PCDHA2: variants seen among roughly 807,000 people sequenced by gnomAD.
PCDHA2 encodes the protein protocadherin alpha-2.
PCDHA2 carries 58 observed loss-of-function variants against 66.0 expected under a neutral mutation model. The observed-to-expected ratio is 0.88, with a 90% CI of 0.71 to 1.09. The LOEUF (loss-of-function observed/expected upper bound fraction) is 1.09, where lower values mean the gene tolerates loss of function less well. Ranked by LOEUF, PCDHA2 falls within the 50% of genes least tolerant of loss-of-function variation. PCDHA2 has a pLI of 0.00. For synonymous variants in PCDHA2, 634 were observed against 554.0 expected (o/e 1.14, Z -2.03); for missense variants, 1,267 against 1,242.3 (o/e 1.02, Z -0.30).
rs1310762753 is a variant in PCDHA2, at chr5:140,855,371, T to A, written c.2388+58019T>A. Among the ~76,000 whole-genome samples, 3 of 149,996 alleles carry A rather than the reference T, an allele frequency of 2.0e-5. 1 individual carries two copies. Among genetic ancestry groups the A allele is most frequent in the African/African-American group, 7.3e-5 (3 of 40,926 alleles). On this transcript the variant is annotated intron_variant, in intron 1 of 3. Transcript: ENST00000526136. ...GTCATGTGGCTAGTGAGTAGGATAATAGGAATCTAAATGGAGAAATGTCTG... is the reference window on the plus strand; with the variant it reads ...GTCATGTGGCTAGTGAGTAGGATAAAAGGAATCTAAATGGAGAAATGTCTG...
chr5:140,956,921 G>T (rs2095321008), intron 1 of PCDHA2, among the ~76,000 whole-genome samples: 1 of 151,968 alleles, frequency 6.6e-6, no homozygotes, highest in Admixed American at 6.6e-5. Context: ...CTTTAATCTT[G>T]CTGGATATAG....
chr5:140,809,378 G>A (rs77547730), intron 1 of PCDHA2: 4 of 1,614,046 alleles, frequency 2.5e-6, no homozygotes, highest in African/African-American at 1.3e-5. Context: ...CACCGAGGGC[G>A]CGTGCGCTCC....
intron 1 of PCDHA2, chr5:140,801,260 C>G (rs1290805371): frequency 1.2e-6 from 2 of 1,613,632 alleles, no homozygotes; most frequent in Non-Finnish European, 1.7e-6. Context: ...TTCTGCTCCT[C>G]GCAGCCTCGG....
chr5:140,933,653 GTCTC>G (rs1245688430), intron 1 of PCDHA2, among the ~76,000 whole-genome samples: 3 of 151,982 alleles, frequency 2.0e-5, no homozygotes, highest in East Asian at 1.9e-4. Context: ...TGGAAATCCT[GTCTC>G]TCTCTCTGTC....
At position 140,796,030 on chromosome 5, in the gene PCDHA2, T is replaced by C; in HGVS notation, c.1066T>C (p.Ser356Pro). The change falls in exon 1 of 4, where the codon TCA (serine) becomes CCA (proline). Residue 356 changes from serine to proline, a missense_variant. Physicochemically the swap from Ser to Pro is moderately conservative, Grantham distance 74. Transcript: ENST00000526136. ...NTPEVSITSL[S>P]LPISENASLG... ...ACCAGAAGTCTCAATAACGTCTCTC[T>C]CACTTCCCATCTCAGAGAACGCTTC... 6.2e-7 allele frequency: 1 copy of C among 1,614,200 alleles called. No individual in the cohort carries two copies. Among genetic ancestry groups the C allele is most frequent in the South Asian group, 1.1e-5 (1 of 91,080 alleles).
chr5:140,887,291 T>G (rs2153419358), intron 1 of PCDHA2, among the ~76,000 whole-genome samples: 1 of 152,074 alleles, frequency 6.6e-6, no homozygotes, highest in South Asian at 2.1e-4. Flanking sequence ...AGAGATGGGG[T>G]TTCATCTTGT....
intron 1 of PCDHA2, chr5:140,871,257 G>A (rs374337862): frequency 1.2e-6 from 2 of 1,613,940 alleles, no homozygotes; most frequent in Admixed American, 1.7e-5. Context: ...TGCTGTATAC[G>A]GCGCTGTGGT....
At chr5:141,006,181 G>A (rs960173277) in intron 3 of PCDHA2, among the ~76,000 whole-genome samples, 1 of 150,918 alleles carries the variant, frequency 6.6e-6, no homozygotes, top group Non-Finnish European at 1.5e-5. Flanking sequence ...TTTTAAAAGA[G>A]TTTGCTATAT....
At chr5:140,832,201 G>A (rs2150200141) in intron 1 of PCDHA2, among the ~76,000 whole-genome samples, 53 of 152,338 alleles carry the variant, frequency 3.5e-4, no homozygotes, top group African/African-American at 1.3e-3. Flanking sequence ...AACCTGCTGA[G>A]TCCTCAGTGA....
At chr5:140,916,072 AC>A (rs1445012621) in intron 1 of PCDHA2, among the ~76,000 whole-genome samples, 4 of 152,054 alleles carry the variant, frequency 2.6e-5, no homozygotes, top group Non-Finnish European at 5.9e-5. Flanking sequence ...TGTGGCCAGT[AC>A]TACCACTGGT....
At chr5:140,978,904 A>G (rs2096828000) in intron 1 of PCDHA2, 45 bp from the exon 2 acceptor site, 2 of 1,613,322 alleles carry the variant, frequency 1.2e-6, no homozygotes, top group Non-Finnish European at 8.5e-7. Flanking sequence ...CTGGGAGAAC[A>G]TTGTCTTGTC....
At chr5:140,957,189 G>A (rs1376112973) in intron 1 of PCDHA2, among the ~76,000 whole-genome samples, 1 of 152,056 alleles carries the variant, frequency 6.6e-6, no homozygotes. Context: ...ATTGATGACC[G>A]ATTGGGAATA....
At chr5:140,848,150 A>AG (rs1781344114) in intron 1 of PCDHA2, 1 of 209,114 alleles carries the variant, frequency 4.8e-6, no homozygotes, top group South Asian at 1.1e-4. Flanking sequence ...AGAGGCAGTC[A>AG]GTCTGCTAAG....
At chr5:140,952,879 G>C (rs1325308016) in intron 1 of PCDHA2, among the ~76,000 whole-genome samples, 1 of 152,094 alleles carries the variant, frequency 6.6e-6, no homozygotes, top group Non-Finnish European at 1.5e-5. Context: ...TTACAATCAT[G>C]GTGGAAGGCA....
chr5:140,928,485 C>T, intron 1 of PCDHA2: 2 of 1,614,136 alleles, frequency 1.2e-6, no homozygotes, highest in Non-Finnish European at 1.7e-6. Context: ...GGGATGGTGG[C>T]ATTCCTCCCA....
At chr5:140,966,603 G>A (rs567686852) in intron 1 of PCDHA2, 9 of 656,454 alleles carry the variant, frequency 1.4e-5, no homozygotes, top group African/African-American at 1.3e-4. Flanking sequence ...AGGAGCCCTT[G>A]GGAGGGCCTA....
At position 140,968,861 on chromosome 5, in the gene PCDHA2, C is replaced by G; in HGVS notation, c.2389-10088C>G. 1.9e-6 allele frequency: 3 copies of G among 1,614,182 alleles called. No homozygotes were observed. In the South Asian group the frequency reaches 3.3e-5, roughly 18 times the overall value. ...CACTCAGAGGCATGTTAAGAGCCCT[C>G]GGACATACTCTGAAATTACCCTTTA... is the stretch of plus-strand genomic sequence containing the variant. On this transcript the variant is annotated intron_variant, in intron 1 of 3. Coordinates refer to ENST00000526136, the MANE Select transcript of PCDHA2 (RefSeq NM_018905.3).
intron 1 of PCDHA2, chr5:140,805,356 T>C (rs1191044616): frequency 1.7e-6 from 2 of 1,198,462 alleles, no homozygotes; most frequent in African/African-American, 3.2e-5. Flanking sequence ...AAAAATATAG[T>C]TTGGGTCCCC....
intron 1 of PCDHA2, chr5:140,927,088 T>C (rs1554204002): frequency 6.2e-7 from 1 of 1,612,662 alleles, no homozygotes; most frequent in Admixed American, 1.7e-5. Context: ...CGAGCTCTAC[T>C]TCGGGGTGGA....
Sources: gnomAD v4.1 joint callset for allele counts (sites outside exome capture counted in the v4.1 genomes callset) on GRCh38, gnomAD v4.1.1 for gene constraint, MANE v1.5 for transcripts, NCBI Gene and HGNC (gene_info 2026-07-23, HGNC 2026-07-21) for gene names.